The following HEXB variants were observed in gnomAD, a reference collection of about 807,000 sequenced individuals.
The protein encoded by HEXB is beta-hexosaminidase subunit beta.
HEXB carries 51 observed loss-of-function variants against 71.2 expected under a neutral mutation model. The observed-to-expected ratio is 0.72, with a 90% CI of 0.57 to 0.90. The LOEUF is 0.90. Ranked by LOEUF, HEXB falls within the 40% of genes least tolerant of loss-of-function variation. The pLI is 0.00. For synonymous variants in HEXB, 266 were observed against 249.3 expected, an observed-to-expected ratio of 1.07 and a Z score of -0.63; for missense variants, 617 against 677.0, an observed-to-expected ratio of 0.91 and a Z score of 0.98.
At chr5:74,714,339 A>G (rs1189999783) in intron 7 of HEXB, among the ~76,000 whole-genome samples, 2 of 152,254 alleles carry the variant, frequency 1.3e-5, no homozygotes, top group Non-Finnish European at 2.9e-5. Context: ...AAAGGGAATG[A>G]AAGAAAACAA....
intron 7 of HEXB, 56 bp from the exon 8 acceptor site, chr5:74,715,454 C>A: frequency 8.3e-7 from 1 of 1,207,088 alleles, no homozygotes; most frequent in Non-Finnish European, 1.2e-6. Flanking sequence ...TGTGGAAAAC[C>A]AGATCTTTAT....
chr5:74,687,048 A>G (rs1253415705), intron 1 of HEXB, among the ~76,000 whole-genome samples: 1 of 152,210 alleles, frequency 6.6e-6, no homozygotes, highest in Non-Finnish European at 1.5e-5. Flanking sequence ...TTCGAAGGCA[A>G]GGCTTGGTAT....
intron 6 of HEXB, among the ~76,000 whole-genome samples, chr5:74,709,937 T>G (rs971873636): frequency 6.6e-6 from 1 of 152,198 alleles, no homozygotes; most frequent in Non-Finnish European, 1.5e-5. Flanking sequence ...ACTCATTTTA[T>G]GAGGCCAGCA....
chr5:74,716,749 C>A, intron 9 of HEXB, 76 bp downstream of exon 9: 1 of 932,244 alleles, frequency 1.1e-6, no homozygotes, highest in Non-Finnish European at 1.7e-6. Context: ...TTATTTTTTA[C>A]ATTTTCTCTA....
At chr5:74,713,387 A>G in intron 6 of HEXB, 119 bp from the exon 7 acceptor site, 1 of 912,394 alleles carries the variant, frequency 1.1e-6, no homozygotes, top group African/African-American at 1.6e-5. Context: ...CATGAAACTA[A>G]TACATTGTCA....
intron 1 of HEXB, among the ~76,000 whole-genome samples, chr5:74,649,098 G>C (rs1748056435): frequency 6.6e-6 from 1 of 152,020 alleles, no homozygotes; most frequent in Non-Finnish European, 1.5e-5. Flanking sequence ...CGTTTGAGCA[G>C]CCACTCTTGC....
chr5:74,655,862 A>G (rs1369487360), intron 1 of HEXB, among the ~76,000 whole-genome samples: 1 of 152,204 alleles, frequency 6.6e-6, no homozygotes, highest in Non-Finnish European at 1.5e-5. Flanking sequence ...TGATCAAGTG[A>G]CATGCCTGAG....
At chr5:74,667,615 T>C (rs1748456836) in intron 1 of HEXB, among the ~76,000 whole-genome samples, 1 of 152,120 alleles carries the variant, frequency 6.6e-6, no homozygotes, top group Non-Finnish European at 1.5e-5. Flanking sequence ...CAGGGTCAAG[T>C]GAATGTCCAG....
intron 1 of HEXB, among the ~76,000 whole-genome samples, chr5:74,665,010 T>C (rs7700832): frequency 0.33 from 49,885 of 152,016 alleles, 8,527 homozygotes; most frequent in Admixed American, 0.41. Context: ...TGCCCTTTGA[T>C]CCAGTAATTC....
intron 1 of HEXB, among the ~76,000 whole-genome samples, chr5:74,685,781 A>G (rs1748854057): frequency 6.6e-6 from 1 of 152,134 alleles, no homozygotes; most frequent in Non-Finnish European, 1.5e-5. Context: ...CCCTGGTTTG[A>G]GAGCCGGATA....
chr5:74,696,542 A>AG, intron 3 of HEXB, 151 bp from the exon 4 acceptor site: 1 of 556,560 alleles, frequency 1.8e-6, no homozygotes, highest in Non-Finnish European at 3.2e-6. Context: ...TAGAGGGTGT[A>AG]GGTATAACAA....
intron 1 of HEXB, among the ~76,000 whole-genome samples, chr5:74,651,676 T>C (rs1561201007): frequency 6.6e-6 from 1 of 152,200 alleles, no homozygotes; most frequent in Non-Finnish European, 1.5e-5. Context: ...AATAAACCTG[T>C]ACAAATAACC....
chr5:74,709,795 C>T (rs1156914904), intron 6 of HEXB, among the ~76,000 whole-genome samples: 1 of 152,178 alleles, frequency 6.6e-6, no homozygotes, highest in African/African-American at 2.4e-5. Flanking sequence ...TGGCAATAAT[C>T]AATAGCTTAT....
intron 1 of HEXB, among the ~76,000 whole-genome samples, chr5:74,670,741 C>G (rs1748519415): frequency 6.6e-6 from 1 of 152,234 alleles, no homozygotes; most frequent in South Asian, 2.1e-4. Context: ...CCGGGCGCCA[C>G]TGCATTCCTC....
chr5:74,685,185 T>G, upstream of HEXB: 1 of 1,406,478 alleles, frequency 7.1e-7, no homozygotes, highest in Non-Finnish European at 9.2e-7. Context: ...CCGCGCTTCC[T>G]CTGATCCGGG....
chr5:74,642,883 CT>C (rs938309647), intron 1 of HEXB, among the ~76,000 whole-genome samples: 1 of 152,148 alleles, frequency 6.6e-6, no homozygotes. Context: ...TTTCCTGTAT[CT>C]TTTCTACCTA....
chr5:74,672,793 T>C (rs762694814), intron 1 of HEXB, among the ~76,000 whole-genome samples: 8 of 152,206 alleles, frequency 5.3e-5, no homozygotes, highest in Non-Finnish European at 1.2e-4. Flanking sequence ...CCGGTTCAGC[T>C]TTCTCCATCA....
rs1362347191 is a variant in HEXB, at chr5:74,721,252, AGACTGTTTTTTGAAT to A, written c.*78_*92del. ...TTGAAATCATGTAAAATAAGATATT[AGACTGTTTTTTGAAT>A]AAAATATTTTTATTGATTGAACCTT... On this transcript the variant is annotated 3_prime_UTR_variant, in exon 14 of 14. Coordinates refer to ENST00000261416, the MANE Select transcript of HEXB (RefSeq NM_000521.4). The A allele has an allele frequency of 8.5e-7, 1 of 1,171,772 alleles. No homozygotes were observed. Among genetic ancestry groups the A allele is most frequent in the East Asian group, 2.4e-5 (1 of 41,396 alleles). The allele number at this position is 1,171,772 out of a possible 1,614,324, so 72.6% of individuals were successfully genotyped here.
chr5:74,715,508 A>G lies in HEXB; in HGVS notation c.902-2A>G, dbSNP rs756337388. On this transcript the variant is annotated splice_acceptor_variant, in intron 7 of 13. Transcript: ENST00000261416. LOFTEE classifies it high-confidence loss of function. ...AAAAAGAATCTTAATATTTTCTTCT[A>G]GGTCAGAAAGACCTCCTGACTCCAT... 6.3e-7 allele frequency: 1 copy of G among 1,595,776 alleles called. No homozygotes were observed. Among genetic ancestry groups the G allele is most frequent in the Non-Finnish European group, 8.6e-7 (1 of 1,163,358 alleles).
Sources: gnomAD v4.1 joint callset for allele counts (sites outside exome capture counted in the v4.1 genomes callset) on GRCh38, gnomAD v4.1.1 for gene constraint, MANE v1.5 for transcripts, NCBI Gene and HGNC (gene_info 2026-07-23, HGNC 2026-07-21) for gene names.